CNGA1: variants seen among roughly 807,000 people sequenced by gnomAD.
The protein encoded by CNGA1 is cyclic nucleotide gated channel subunit alpha 1, also known as cyclic nucleotide-gated channel alpha-1.
A neutral mutation model predicts 69.7 loss-of-function variants in CNGA1; 53 were observed. That is an observed-to-expected ratio of 0.76 (90% confidence interval 0.61 to 0.96). The LOEUF (loss-of-function observed/expected upper bound fraction) is 0.96. CNGA1 is among the 40% of genes least tolerant of loss of function. The pLI is 0.00. For synonymous variants in CNGA1, 249 were observed against 283.5 expected, an observed-to-expected ratio of 0.88 and a Z score of 1.22; for missense variants, 739 against 811.2, an observed-to-expected ratio of 0.91 and a Z score of 1.08.
chr4:48,000,641 C>A (rs1461164139), intron 2 of CNGA1, among the ~76,000 whole-genome samples: 1 of 151,220 alleles, frequency 6.6e-6, no homozygotes, highest in Middle Eastern at 3.2e-3. Context: ...GTGCTGTGAA[C>A]ACAGGTGTGA....
intron 3 of CNGA1, among the ~76,000 whole-genome samples, chr4:47,975,222 G>A (rs2110205373): frequency 6.6e-6 from 1 of 152,176 alleles, no homozygotes; most frequent in East Asian, 1.9e-4. Context: ...AGGCTCATAA[G>A]CCAGCTGTAA....
At chr4:47,955,490 C>T (rs1415031736) in intron 3 of CNGA1, among the ~76,000 whole-genome samples, 1 of 152,068 alleles carries the variant, frequency 6.6e-6, no homozygotes, top group African/African-American at 2.4e-5. Context: ...GCCCATATAA[C>T]AATTTTTTTA....
At chr4:47,981,330 A>G (rs1184654838) in intron 3 of CNGA1, 63 bp downstream of exon 3, 1 of 152,224 alleles carries the variant, frequency 6.6e-6, no homozygotes, top group Non-Finnish European at 1.5e-5. Context: ...TAAAGAGTCA[A>G]AACAGAAGTA....
rs886059424 is a variant in CNGA1 at position 47,981,510 on chromosome 4, T to A, written c.-122-10A>T. The A allele has an allele frequency of 6.6e-6, 1 of 152,206 alleles. No individual in the cohort carries two copies. Among genetic ancestry groups the A allele is most frequent in the Non-Finnish European group, 1.5e-5 (1 of 68,044 alleles). The allele number at this position is 152,206 out of a possible 1,614,324, so 9.4% of individuals were successfully genotyped here. A position where few individuals can be genotyped will look rare whatever the true frequency, so the allele number is the denominator to read the frequency against. On this transcript the variant is annotated splice_polypyrimidine_tract_variant and intron_variant, in intron 2 of 10. Coordinates refer to ENST00000514170, the MANE Select transcript of CNGA1 (RefSeq NM_001379270.1). The stretch of plus-strand genomic sequence containing the variant: ...TGTCAAAATCCAGGCCCTAATTTTT[T>A]AAAAATAATAAACATGCTGATTTTT...
At chr4:48,015,746 A>G (rs1317078337) in intron 1 of CNGA1, among the ~76,000 whole-genome samples, 3 of 152,056 alleles carry the variant, frequency 2.0e-5, no homozygotes, top group Admixed American at 1.3e-4. Context: ...AGCTGAGACT[A>G]CAGGAGTACA....
chr4:47,979,236 G>A (rs551125471), intron 3 of CNGA1, among the ~76,000 whole-genome samples: 5 of 149,558 alleles, frequency 3.3e-5, no homozygotes, highest in African/African-American at 7.4e-5. Context: ...CGGGAGGATC[G>A]CTTGAGCCCA....
chr4:47,967,806 G>A lies in CNGA1; in HGVS notation c.-15+13587C>T, dbSNP rs56193307. 1.1e-3 allele frequency among the ~76,000 whole-genome samples: 172 copies of A among 152,126 alleles called. 1 individual carries two copies. Among genetic ancestry groups the A allele is most frequent in the African/African-American group, 3.9e-3 (161 of 41,520 alleles). ...ATCCCAGCTAACACAGTGAAACCCCGTCTTTACTAAAAATACAAAAAATTA... is the reference window on the plus strand; with the variant it reads ...ATCCCAGCTAACACAGTGAAACCCCATCTTTACTAAAAATACAAAAAATTA... On this transcript the variant is annotated intron_variant, in intron 3 of 10. Coordinates refer to ENST00000514170, the MANE Select transcript of CNGA1 (RefSeq NM_001379270.1).
In CNGA1 at chr4:48,016,541, T is replaced by A; in HGVS notation, c.-281A>T. 1 of 465,504 alleles carries A rather than the reference T, an allele frequency of 2.1e-6. No individual in the cohort carries two copies. The highest frequency in any genetic ancestry group is 3.8e-6 in the Non-Finnish European group (1 of 264,670). 28.8% of individuals were successfully genotyped at this position (465,504 alleles called of 1,614,324 possible). A position where few individuals can be genotyped will look rare whatever the true frequency, so the allele number is the denominator to read the frequency against. On this transcript the variant is annotated 5_prime_UTR_variant, in exon 1 of 11. Transcript: ENST00000514170. Reference sequence around the variant, plus strand: ...GCTCTATGAGGCGTGTCTGTGTTTCTCTAGTTCGCGGCTCCAGCAGTCGCG... The same window carrying A: ...GCTCTATGAGGCGTGTCTGTGTTTCACTAGTTCGCGGCTCCAGCAGTCGCG...
chr4:47,976,170 T>C lies in CNGA1; in HGVS notation c.-15+5223A>G, dbSNP rs796219274. ...ATATGTATATATATATATATATATATACACATACATATATATATACATATA... is the reference window on the plus strand; with the variant it reads ...ATATGTATATATATATATATATATACACACATACATATATATATACATATA... On this transcript the variant is annotated intron_variant, in intron 3 of 10. Coordinates refer to ENST00000514170, the MANE Select transcript of CNGA1 (RefSeq NM_001379270.1). 3.2e-3 allele frequency among the ~76,000 whole-genome samples: 156 copies of C among 48,552 alleles called. 4 individuals carry two copies. Among genetic ancestry groups the C allele is most frequent in the East Asian group, 0.021 (33 of 1,548 alleles). 31.9% of individuals were successfully genotyped at this position (48,552 alleles called of 152,430 possible).
chr4:47,970,665 A>G (rs1215688798), intron 3 of CNGA1, among the ~76,000 whole-genome samples: 1 of 144,438 alleles, frequency 6.9e-6, no homozygotes, highest in Non-Finnish European at 1.5e-5. Flanking sequence ...AAAAAAAAGA[A>G]AGAAAACAAG....
chr4:47,973,125 T>A (rs1237158009), intron 3 of CNGA1, among the ~76,000 whole-genome samples: 1 of 144,556 alleles, frequency 6.9e-6, no homozygotes, highest in Admixed American at 7.4e-5. Context: ...TGGAGTGCAG[T>A]AGCACTATCT....
intron 3 of CNGA1, among the ~76,000 whole-genome samples, chr4:47,976,049 TA>T (rs956200708): frequency 2.7e-5 from 4 of 150,080 alleles, no homozygotes; most frequent in African/African-American, 7.3e-5. Flanking sequence ...TGGAAAGTCT[TA>T]AAAAAAAGTC....
chr4:47,963,905 T>C (rs1190446037), intron 3 of CNGA1, among the ~76,000 whole-genome samples: 1 of 152,202 alleles, frequency 6.6e-6, no homozygotes, highest in Non-Finnish European at 1.5e-5. Context: ...AAATGTTAAA[T>C]ATTCAAGTGA....
chr4:47,952,639 A>G lies in CNGA1; in HGVS notation c.51T>C (p.Asn17=), dbSNP rs748755294. The G allele has an allele frequency of 6.8e-6, 11 of 1,609,472 alleles. No individual in the cohort carries two copies. The Admixed American group carries it at 1.8e-4, about 27-fold the overall frequency. The change falls in exon 4 of 11, where the codon AAT becomes AAC. Residue 17 remains asparagine (N), a synonymous_variant. Coordinates refer to ENST00000514170, the MANE Select transcript of CNGA1 (RefSeq NM_001379270.1). The part of the protein sequence containing the change: ...NTQQSFVTMP[N]VIVPDIEKEI... ...CCTTTTCAATATCTGGTACAATCACATTGGGCATGGTTACAAAAGACTGCT... is the reference window on the plus strand; with the variant it reads ...CCTTTTCAATATCTGGTACAATCACGTTGGGCATGGTTACAAAAGACTGCT...
chr4:47,947,634 C>T (rs149867312), intron 6 of CNGA1, among the ~76,000 whole-genome samples: 625 of 151,852 alleles, frequency 4.1e-3, no homozygotes, highest in East Asian at 9.1e-3. Flanking sequence ...TGCACCACTG[C>T]GCTCCAGCAC....
intron 3 of CNGA1, among the ~76,000 whole-genome samples, chr4:47,976,781 T>C (rs1741441922): frequency 6.6e-6 from 1 of 152,210 alleles, no homozygotes; most frequent in Non-Finnish European, 1.5e-5. Flanking sequence ...GACAGCAGCA[T>C]CGTGTAGGTT....
chr4:47,965,429 CTT>C (rs201467914), intron 3 of CNGA1, among the ~76,000 whole-genome samples: 32 of 141,142 alleles, frequency 2.3e-4, no homozygotes, highest in Admixed American at 4.3e-4. Flanking sequence ...ATAAGTTATT[CTT>C]TTTTTTTTTT....
intron 1 of CNGA1, among the ~76,000 whole-genome samples, chr4:48,015,046 G>C (rs1715318333): frequency 6.6e-6 from 1 of 151,878 alleles, no homozygotes; most frequent in Non-Finnish European, 1.5e-5. Context: ...GGCGTGGTGG[G>C]GGGCGCCTGT....
chr4:47,949,042 G>T (rs1739591285), intron 6 of CNGA1, among the ~76,000 whole-genome samples: 2 of 152,176 alleles, frequency 1.3e-5, no homozygotes. Context: ...CCTGGAGTAG[G>T]TATTCCCACA....
Sources: allele counts gnomAD v4.1 joint callset (sites outside exome capture counted in the v4.1 genomes callset), GRCh38; gene constraint gnomAD v4.1.1; transcripts MANE v1.5; gene names NCBI Gene and HGNC (gene_info 2026-07-23, HGNC 2026-07-21).